The following SEMA5A variants were observed in gnomAD, a reference collection of about 807,000 sequenced individuals.
SEMA5A encodes semaphorin 5A, also known as semaphorin-5A.
In SEMA5A, 55 loss-of-function variants were observed where a neutral mutation model predicts 135.5. The observed-to-expected ratio is 0.41, with a 90% confidence interval of 0.33 to 0.51. SEMA5A has a LOEUF of 0.51. Ranked by LOEUF, SEMA5A falls within the 20% of genes least tolerant of loss-of-function variation. The probability of loss-of-function intolerance (pLI) is 0.37; values close to 1 mark genes in which losing one functional copy is unlikely to be tolerated. For synonymous variants in SEMA5A, 580 were observed against 546.5 expected (o/e 1.06, Z -0.85); for missense variants, 1,290 against 1,419.9 (o/e 0.91, Z 1.47).
chr5:9,520,302 GGGA>G (rs1163438107), intron 1 of SEMA5A, among the ~76,000 whole-genome samples: 10 of 152,228 alleles, frequency 6.6e-5, no homozygotes, highest in African/African-American at 2.2e-4. Flanking sequence ...CACACTCCAC[GGGA>G]GGAGGTAAAC....
chr5:9,415,030 CCAAAGAT>C (rs1230676302), intron 2 of SEMA5A, among the ~76,000 whole-genome samples: 1 of 152,074 alleles, frequency 6.6e-6, no homozygotes, highest in Non-Finnish European at 1.5e-5. Flanking sequence ...TCATTGCCTC[CCAAAGAT>C]CAATCTACTT....
chr5:9,213,654 C>A lies in SEMA5A; in HGVS notation c.646+11020G>T, dbSNP rs947347844. ...TTTGTGAATAAAGTTTTATTAGCAC[C>A]CAGTCACACTCATGCATCCATAGAC... On this transcript the variant is annotated intron_variant, in intron 8 of 22. Coordinates refer to ENST00000382496, the MANE Select transcript of SEMA5A (RefSeq NM_003966.3). 3.9e-5 allele frequency among the ~76,000 whole-genome samples: 6 copies of A among 152,242 alleles called. No individual in the cohort carries two copies. The South Asian group carries it at 1.2e-3, about 32-fold the overall frequency.
chr5:9,275,680 T>A (rs911885825), intron 5 of SEMA5A, among the ~76,000 whole-genome samples: 2 of 152,132 alleles, frequency 1.3e-5, no homozygotes, highest in Non-Finnish European at 2.9e-5. Context: ...TGGTTCAACA[T>A]ACACAAATCA....
At chr5:9,049,152 T>C (rs1295351493) in intron 21 of SEMA5A, among the ~76,000 whole-genome samples, 10 of 12,940 alleles carry the variant, frequency 7.7e-4, no homozygotes, top group African/African-American at 1.4e-3. Context: ...AGCTCTTCTA[T>C]TATTTATTTA....
intron 8 of SEMA5A, among the ~76,000 whole-genome samples, chr5:9,224,268 C>A (rs1747167986): frequency 6.6e-6 from 1 of 152,270 alleles, no homozygotes; most frequent in East Asian, 1.9e-4. Context: ...CAAACACATT[C>A]TTTTATACAG....
intron 1 of SEMA5A, among the ~76,000 whole-genome samples, chr5:9,477,617 G>A (rs1273545471): frequency 1.3e-5 from 2 of 152,214 alleles, no homozygotes; most frequent in Non-Finnish European, 2.9e-5. Context: ...CTGCTCTAGG[G>A]ACCTGGGGAA....
chr5:9,221,591 C>A (rs1029217383), intron 8 of SEMA5A, among the ~76,000 whole-genome samples: 2 of 151,904 alleles, frequency 1.3e-5, no homozygotes, highest in African/African-American at 4.8e-5. Flanking sequence ...CGTGAGCCAC[C>A]GCGCCTGGCC....
At chr5:9,241,402 G>A (rs1748187496) in intron 5 of SEMA5A, among the ~76,000 whole-genome samples, 6 of 151,898 alleles carry the variant, frequency 4.0e-5, no homozygotes, top group Admixed American at 3.3e-4. Context: ...CAGCATAAGT[G>A]TATTCCATCA....
At chr5:9,307,421 A>AC (rs781166935) in intron 5 of SEMA5A, among the ~76,000 whole-genome samples, 4 of 152,084 alleles carry the variant, frequency 2.6e-5, no homozygotes, top group Non-Finnish European at 5.9e-5. Context: ...AATGGCTTAC[A>AC]TGTTAAAGAG....
At chr5:9,305,643 A>G (rs1371437064) in intron 5 of SEMA5A, among the ~76,000 whole-genome samples, 1 of 151,722 alleles carries the variant, frequency 6.6e-6, no homozygotes, top group African/African-American at 2.4e-5. Flanking sequence ...ATGCAAAGAG[A>G]AACACCAACA....
chr5:9,227,551 ATT>A (rs10691747), intron 6 of SEMA5A, among the ~76,000 whole-genome samples: 4 of 141,056 alleles, frequency 2.8e-5, no homozygotes, highest in Non-Finnish European at 3.0e-5. Context: ...ATCTATATGA[ATT>A]TTTTTTTTTT....
intron 9 of SEMA5A, among the ~76,000 whole-genome samples, chr5:9,197,846 T>C (rs1252026913): frequency 6.6e-6 from 1 of 151,640 alleles, no homozygotes; most frequent in East Asian, 1.9e-4. Flanking sequence ...AAGTATTTTA[T>C]AAAAAGTGAC....
intron 8 of SEMA5A, among the ~76,000 whole-genome samples, chr5:9,210,171 C>A (rs1380956253): frequency 2.0e-5 from 3 of 152,154 alleles, no homozygotes; most frequent in African/African-American, 7.2e-5. Context: ...TTTACTCATC[C>A]CTTTTCTTTT....
rs550615452 is a variant in SEMA5A, at chr5:9,203,983, G to C, written c.647-1743C>G. On this transcript the variant is annotated intron_variant, in intron 8 of 22. Coordinates refer to ENST00000382496, the MANE Select transcript of SEMA5A (RefSeq NM_003966.3). Reference sequence around the variant, plus strand: ...AAAGAAAATACTGGGTGGTGGGTGGGGGGGTGTTAAGTCTGTGTTTACTGT... The same window carrying C: ...AAAGAAAATACTGGGTGGTGGGTGGCGGGGTGTTAAGTCTGTGTTTACTGT... Among the ~76,000 whole-genome samples the C allele has an allele frequency of 1.6e-4, 25 of 152,154 alleles. No homozygotes were observed. In the East Asian group the frequency reaches 4.3e-3, roughly 26 times the overall value.
At chr5:9,120,721 A>G (rs1211140148) in intron 14 of SEMA5A, among the ~76,000 whole-genome samples, 3 of 152,244 alleles carry the variant, frequency 2.0e-5, no homozygotes, top group East Asian at 3.9e-4. Context: ...CATGAAGCAA[A>G]TGGTGCTTTC....
intron 1 of SEMA5A, among the ~76,000 whole-genome samples, chr5:9,510,905 C>T (rs1202836969): frequency 6.6e-6 from 1 of 152,176 alleles, no homozygotes; most frequent in African/African-American, 2.4e-5. Flanking sequence ...ATTGGACATA[C>T]GAATTGTCAC....
chr5:9,399,520 A>T (rs190074639), intron 2 of SEMA5A, among the ~76,000 whole-genome samples: 5 of 152,306 alleles, frequency 3.3e-5, no homozygotes, highest in African/African-American at 4.8e-5. Flanking sequence ...GGGTCATCAG[A>T]ATGTTCTAAA....
intron 12 of SEMA5A, among the ~76,000 whole-genome samples, chr5:9,142,204 T>C (rs565176861): frequency 6.6e-6 from 1 of 152,262 alleles, no homozygotes; most frequent in Admixed American, 6.5e-5. Flanking sequence ...CCCACTTCGA[T>C]GGGTGGGTGA....
chr5:9,351,473 T>C (rs887372021), intron 3 of SEMA5A, among the ~76,000 whole-genome samples: 7 of 152,184 alleles, frequency 4.6e-5, no homozygotes, highest in African/African-American at 1.7e-4. Context: ...CCCACCGTTT[T>C]TTTTTCAAAA....
Sources: allele counts gnomAD v4.1 joint callset (sites outside exome capture counted in the v4.1 genomes callset), GRCh38; gene constraint gnomAD v4.1.1; transcripts MANE v1.5; gene names NCBI Gene and HGNC (gene_info 2026-07-23, HGNC 2026-07-21).